The following IQCH variants were observed in gnomAD, a reference collection of about 807,000 sequenced individuals.
IQCH encodes IQ domain-containing protein H.
A neutral mutation model predicts 117.0 loss-of-function variants in IQCH; 98 were observed. The observed-to-expected ratio is 0.84, with a 90% CI of 0.71 to 0.99. IQCH has a LOEUF of 0.99. IQCH is among the 50% of genes least tolerant of loss of function. The probability of loss-of-function intolerance (pLI) is 0.00; values close to 1 mark genes in which losing one functional copy is unlikely to be tolerated. For synonymous variants in IQCH, 412 were observed against 448.2 expected (o/e 0.92, Z 1.02); for missense variants, 1,102 against 1,243.8 (o/e 0.89, Z 1.72).
Position 67,421,284 on chromosome 15 carries a change from C to A in IQCH, c.2219-7C>A. Reference sequence around the variant, plus strand: ...TCCTTTCACCTACTCCATGTTTTTCCCACCAGGGGGTGTGATCGAAGCATT... The same window carrying A: ...TCCTTTCACCTACTCCATGTTTTTCACACCAGGGGGTGTGATCGAAGCATT... On this transcript the variant is annotated splice_polypyrimidine_tract_variant and splice_region_variant and intron_variant, in intron 15 of 20. Transcript: ENST00000335894. 1 of 1,610,308 alleles carries A rather than the reference C, an allele frequency of 6.2e-7. No individual in the cohort carries two copies.
At chr15:67,414,750 A>T (rs2081535357) in intron 14 of IQCH, among the ~76,000 whole-genome samples, 1 of 151,640 alleles carries the variant, frequency 6.6e-6, no homozygotes, top group Non-Finnish European at 1.5e-5. Flanking sequence ...GACATTCTGT[A>T]ATTTTTGCTA....
intron 16 of IQCH, among the ~76,000 whole-genome samples, chr15:67,455,369 C>T (rs2082635183): frequency 6.6e-6 from 1 of 152,212 alleles, no homozygotes; most frequent in Non-Finnish European, 1.5e-5. Flanking sequence ...CTGACCAAGT[C>T]TCTTCCCCTT....
rs1482739918 is a variant in IQCH at position 67,472,930 on chromosome 15, A to G, written c.2677-2766A>G. On this transcript the variant is annotated intron_variant, in intron 17 of 20. Transcript: ENST00000335894. This position sits in a 1 kb window ranked among gnomAD's most constrained non-coding sequence, Gnocchi z 4.3. The stretch of plus-strand genomic sequence containing the variant: ...TGTAGTGAAGAAGAAACCTCAGGGT[A>G]GCCTGCCCTTACATGTTGTCTAGTA... 6.6e-6 allele frequency among the ~76,000 whole-genome samples: 1 copy of G among 152,142 alleles called. No individual in the cohort carries two copies. The highest frequency in any genetic ancestry group is 1.5e-5 in the Non-Finnish European group (1 of 67,994).
In IQCH at chr15:67,475,113, G is replaced by C. The variant is rs2083171322; in HGVS notation, c.2677-583G>C. On this transcript the variant is annotated intron_variant, in intron 17 of 20. Coordinates refer to ENST00000335894, the MANE Select transcript of IQCH (RefSeq NM_001031715.3). The surrounding 1 kb of genome is among the most constrained non-coding windows in gnomAD (Gnocchi z 5.7). ...TAGTTACGGTGCAGTGTCTCAGATG[G>C]GGTCCTGAAACAGAAAAAAGGAATT... Among the ~76,000 whole-genome samples, 1 of 152,136 alleles carries C rather than the reference G, an allele frequency of 6.6e-6. No individual in the cohort carries two copies. Among genetic ancestry groups the C allele is most frequent in the South Asian group, 2.1e-4 (1 of 4,822 alleles).
chr15:67,400,012 GAAGTA>G (rs1971590591), intron 13 of IQCH, 97 bp from the exon 14 acceptor site: 2 of 823,634 alleles, frequency 2.4e-6, no homozygotes, highest in Non-Finnish European at 3.9e-6. Context: ...CAGACCATTA[GAAGTA>G]AAGACACATG....
In IQCH at chr15:67,391,174, T is replaced by G. The variant is rs146691648; in HGVS notation, c.1632+2168T>G. ...GGAGACAGGCACTCACAGATGCACA[T>G]AGTATAGGTTTACATCTTTGTGAGT... On this transcript the variant is annotated intron_variant, in intron 12 of 20. Coordinates refer to ENST00000335894, the MANE Select transcript of IQCH (RefSeq NM_001031715.3). This position sits in a 1 kb window ranked among gnomAD's most constrained non-coding sequence, Gnocchi z 4.3. 1.8e-3 allele frequency among the ~76,000 whole-genome samples: 280 copies of G among 152,322 alleles called. No homozygotes were observed. The highest frequency in any genetic ancestry group is 2.5e-3 in the Non-Finnish European group (172 of 68,018).
At chr15:67,373,503 G>A in intron 10 of IQCH, 70 bp downstream of exon 10, 1 of 993,874 alleles carries the variant, frequency 1.0e-6, no homozygotes, top group East Asian at 2.4e-5. Flanking sequence ...CCTTGATTGA[G>A]TTCAAGGAAG....
At position 67,370,106 on chromosome 15, in the gene IQCH, C is replaced by T. The variant is rs959084056; in HGVS notation, c.754-2005C>T. Among the ~76,000 whole-genome samples the T allele has an allele frequency of 1.3e-5, 2 of 152,134 alleles. No individual in the cohort carries two copies. The highest frequency in any genetic ancestry group is 2.4e-5 in the African/African-American group (1 of 41,428). On this transcript the variant is annotated intron_variant, in intron 8 of 20. Transcript: ENST00000335894. This position sits in a 1 kb window ranked among gnomAD's most constrained non-coding sequence, Gnocchi z 5.6. ...GGTCTAAAATACATTTGCTGATGTA[C>T]GTAAAAACCCTAGACCCACCCCATG...
chr15:67,361,260 G>T (rs1970120114), intron 8 of IQCH, among the ~76,000 whole-genome samples: 2 of 152,202 alleles, frequency 1.3e-5, no homozygotes, highest in East Asian at 3.8e-4. Context: ...TGCTGTTGCT[G>T]CTGCGACTGC....
At chr15:67,455,845 T>C (rs566850412) in intron 16 of IQCH, among the ~76,000 whole-genome samples, 4 of 152,216 alleles carry the variant, frequency 2.6e-5, no homozygotes, top group Non-Finnish European at 5.9e-5. Flanking sequence ...CTATATTGAA[T>C]TGCCGTGGAA....
intron 3 of IQCH, among the ~76,000 whole-genome samples, chr15:67,263,797 C>A (rs1167884094): frequency 6.6e-6 from 1 of 152,040 alleles, no homozygotes; most frequent in Non-Finnish European, 1.5e-5. Context: ...ATAAAACTTG[C>A]TTGAAATATC....
Position 67,465,115 on chromosome 15 carries a change from T to C in IQCH, c.2506-12T>C, listed in dbSNP as rs2082897284. The C allele has an allele frequency of 1.9e-6, 3 of 1,611,866 alleles. No homozygotes were observed. The highest frequency in any genetic ancestry group is 1.1e-5 in the South Asian group (1 of 90,920). On this transcript the variant is annotated splice_polypyrimidine_tract_variant and intron_variant, in intron 16 of 20. Coordinates refer to ENST00000335894, the MANE Select transcript of IQCH (RefSeq NM_001031715.3). This position sits in a 1 kb window ranked among gnomAD's most constrained non-coding sequence, Gnocchi z 5.9. ...ATTTCACCCTCACTTCTACGGCTCC[T>C]GTTTTAATCAGGTGTGGGCAACCGG...
intron 4 of IQCH, chr15:67,304,193 A>G: frequency 1.9e-6 from 1 of 534,714 alleles, no homozygotes; most frequent in East Asian, 3.1e-5. Context: ...AGCAGCCTAA[A>G]TAAAAGATCC....
intron 1 of IQCH, chr15:67,255,300 G>C (rs1483544741): frequency 3.1e-6 from 1 of 324,456 alleles, no homozygotes; most frequent in Non-Finnish European, 5.8e-6. Flanking sequence ...GTGGAGGAGA[G>C]ACAAATCGGA....
Position 67,445,951 on chromosome 15 carries a change from G to C in IQCH, c.2506-19176G>C, listed in dbSNP as rs2082381810. ...AGTTACCACCAAGGAGGACAACTGTGTTCCCCTGCAGCTTTTCCCCAGAAT... is the reference window on the plus strand; with the variant it reads ...AGTTACCACCAAGGAGGACAACTGTCTTCCCCTGCAGCTTTTCCCCAGAAT... On this transcript the variant is annotated intron_variant, in intron 16 of 20. Coordinates refer to ENST00000335894, the MANE Select transcript of IQCH (RefSeq NM_001031715.3). This position sits in a 1 kb window ranked among gnomAD's most constrained non-coding sequence, Gnocchi z 4.3. Among the ~76,000 whole-genome samples, 1 of 152,198 alleles carries C rather than the reference G, an allele frequency of 6.6e-6. No homozygotes were observed. The highest frequency in any genetic ancestry group is 1.5e-5 in the Non-Finnish European group (1 of 68,048).
chr15:67,272,758 A>G (rs1596073551), intron 3 of IQCH, among the ~76,000 whole-genome samples: 1 of 152,106 alleles, frequency 6.6e-6, no homozygotes, highest in East Asian at 1.9e-4. Context: ...TTGAGTTTCC[A>G]GTTGCATAGA....
At position 67,254,949 on chromosome 15, in the gene IQCH, T is replaced by A. The variant is rs145301694; in HGVS notation, c.51+2T>A. ...CCTGTCGGATCCATCTTAATCCAGG[T>A]GGGAAACGGGCTTCCCCCGGCCCTG... On this transcript the variant is annotated splice_donor_variant, in intron 1 of 20. Transcript: ENST00000335894. LOFTEE classifies it high-confidence loss of function. The A allele has an allele frequency of 1.8e-4, 292 of 1,612,954 alleles. No individual in the cohort carries two copies. The highest frequency in any genetic ancestry group is 2.7e-4 in the Admixed American group (16 of 59,936).
In IQCH at chr15:67,496,564, G is replaced by A. The variant is rs1012494549; in HGVS notation, c.2970+2198G>A. ...TAGGCAAGAAAAGGAAATAAAAGGC[G>A]CTGGGTGCAGTGGCCCCCACCTGTA... On this transcript the variant is annotated intron_variant, in intron 20 of 20. Transcript: ENST00000335894. This position sits in a 1 kb window ranked among gnomAD's most constrained non-coding sequence, Gnocchi z 4.4. Among the ~76,000 whole-genome samples, 9 of 152,206 alleles carry A rather than the reference G, an allele frequency of 5.9e-5. No homozygotes were observed. The highest frequency in any genetic ancestry group is 2.2e-4 in the African/African-American group (9 of 41,530).
rs899023729 is a variant in IQCH at position 67,391,837 on chromosome 15, A to C, written c.1632+2831A>C. On this transcript the variant is annotated intron_variant, in intron 12 of 20. Coordinates refer to ENST00000335894, the MANE Select transcript of IQCH (RefSeq NM_001031715.3). The surrounding 1 kb of genome is among the most constrained non-coding windows in gnomAD (Gnocchi z 4.3). ...TGCCTGGAGTCTAGGGCATGCCCGCAGATGACTATAATACAGAGTTGGGTA... is the reference window on the plus strand; with the variant it reads ...TGCCTGGAGTCTAGGGCATGCCCGCCGATGACTATAATACAGAGTTGGGTA... 6.6e-6 allele frequency among the ~76,000 whole-genome samples: 1 copy of C among 152,252 alleles called. No homozygotes were observed. The highest frequency in any genetic ancestry group is 2.4e-5 in the African/African-American group (1 of 41,476).
Sources: gnomAD v4.1 joint callset for allele counts (sites outside exome capture counted in the v4.1 genomes callset) on GRCh38, gnomAD v4.1.1 for gene constraint, Gnocchi (gnomAD v3.1) non-coding constraint, MANE v1.5 for transcripts, NCBI Gene and HGNC (gene_info 2026-07-23, HGNC 2026-07-21) for gene names.